Variants in PAK5 observed in about 807,000 individuals in gnomAD.
PAK5 encodes the protein serine/threonine-protein kinase PAK 5.
In PAK5, 16 loss-of-function variants were observed where a neutral mutation model predicts 65.9. The observed-to-expected ratio is 0.24, with a 90% confidence interval of 0.16 to 0.37. PAK5 has a LOEUF of 0.37. Among genes scored for constraint, PAK5 ranks in the 10% least tolerant of loss-of-function variants. PAK5 has a pLI of 1.00. For missense variants in PAK5, 785 were observed against 903.9 expected (o/e 0.87, Z 1.69); for synonymous variants, 371 against 354.9 (o/e 1.05, Z -0.51).
chr20:9,638,456 G>A (rs944405620), intron 3 of PAK5, among the ~76,000 whole-genome samples: 22 of 152,236 alleles, frequency 1.4e-4, no homozygotes, highest in Middle Eastern at 3.4e-3. Context: ...TGGAAATCCC[G>A]GCTGGTGTAA....
At position 9,620,885 on chromosome 20, in the gene PAK5, A is replaced by C. The variant is rs529783910; in HGVS notation, c.204+23240T>G. 2.0e-5 allele frequency among the ~76,000 whole-genome samples: 3 copies of C among 152,094 alleles called. No homozygotes were observed. In the East Asian group the frequency reaches 5.8e-4, roughly 29 times the overall value. ...GACTACTACCACACAGAGAAAGAAA[A>C]TAGCCAGAAAAAATATATATATATT... On this transcript the variant is annotated intron_variant, in intron 3 of 9. Coordinates refer to ENST00000353224, the MANE Select transcript of PAK5 (RefSeq NM_177990.4).
intron 2 of PAK5, among the ~76,000 whole-genome samples, chr20:9,659,504 G>A (rs1237593776): frequency 6.6e-6 from 1 of 152,172 alleles, no homozygotes; most frequent in Non-Finnish European, 1.5e-5. Context: ...CCTCAGAGCT[G>A]TACGTTTTCT....
At chr20:9,695,682 A>G (rs1326686808) in intron 2 of PAK5, among the ~76,000 whole-genome samples, 1 of 152,096 alleles carries the variant, frequency 6.6e-6, no homozygotes. Context: ...GGAATCTTCC[A>G]GTGAATATTA....
chr20:9,793,860 A>G (rs1205870280), intron 1 of PAK5, among the ~76,000 whole-genome samples: 1 of 152,148 alleles, frequency 6.6e-6, no homozygotes, highest in East Asian at 1.9e-4. Flanking sequence ...TCATTTTACT[A>G]TAAAGACACA....
In PAK5 at chr20:9,626,075, C is replaced by T. The variant is rs566089842; in HGVS notation, c.204+18050G>A. Among the ~76,000 whole-genome samples, 44 of 152,176 alleles carry T rather than the reference C, an allele frequency of 2.9e-4. No homozygotes were observed. The South Asian group carries it at 5.6e-3, about 19-fold the overall frequency. ...GGTAGTAATTGTGGATTCAAAGACT[C>T]GACCTTTACATAAAACAATGGAGTT... On this transcript the variant is annotated intron_variant, in intron 3 of 9. Transcript: ENST00000353224.
intron 2 of PAK5, among the ~76,000 whole-genome samples, chr20:9,683,806 C>T (rs184247219): frequency 1.5e-4 from 23 of 152,276 alleles, no homozygotes; most frequent in African/African-American, 5.1e-4. Flanking sequence ...GCAGCCTTGA[C>T]TTCCTGGGAT....
chr20:9,665,772 G>A (rs1206141839), intron 2 of PAK5, among the ~76,000 whole-genome samples: 1 of 151,948 alleles, frequency 6.6e-6, no homozygotes, highest in African/African-American at 2.4e-5. Flanking sequence ...GGGATTACAG[G>A]TGTGAGCCAC....
At chr20:9,724,169 G>A (rs1211121011) in intron 1 of PAK5, among the ~76,000 whole-genome samples, 2 of 152,164 alleles carry the variant, frequency 1.3e-5, no homozygotes, top group Non-Finnish European at 2.9e-5. Context: ...AAAAGGCCCA[G>A]CTTGGCTGAT....
intron 1 of PAK5, among the ~76,000 whole-genome samples, chr20:9,802,910 G>GTGTATATATATATATATATATATATA (rs142279832): frequency 1.2e-3 from 57 of 46,368 alleles, no homozygotes; most frequent in Non-Finnish European, 1.5e-3. Context: ...ATATGTATGT[G>GTGTATATATATATATATATATATATA]TATATATATA....
At chr20:9,559,560 G>A (rs111773976) in intron 6 of PAK5, among the ~76,000 whole-genome samples, 1 of 152,090 alleles carries the variant, frequency 6.6e-6, no homozygotes, top group Non-Finnish European at 1.5e-5. Context: ...TCAGGAGTTC[G>A]AGACCAGCCT....
At chr20:9,694,733 T>A (rs1462146153) in intron 2 of PAK5, among the ~76,000 whole-genome samples, 1 of 152,112 alleles carries the variant, frequency 6.6e-6, no homozygotes, top group African/African-American at 2.4e-5. Flanking sequence ...GGCCATGTTC[T>A]TTCTTATTGC....
rs548467358 is a variant in PAK5 at position 9,539,397 on chromosome 20, C to T, written c.*65G>A. 3 of 1,509,136 alleles carry T rather than the reference C, an allele frequency of 2.0e-6. No homozygotes were observed. Among genetic ancestry groups the T allele is most frequent in the East Asian group, 4.5e-5 (2 of 44,182 alleles). The allele number at this position is 1,509,136 out of a possible 1,614,324, so 93.5% of individuals were successfully genotyped here. On this transcript the variant is annotated 3_prime_UTR_variant, in exon 10 of 10. Transcript: ENST00000353224. ...CAGGCCTTTTGCATGTTCTGTGTTT[C>T]CTTTTGTTCTCCTGAATTATTCTCA...
At chr20:9,823,263 G>A (rs936245379) in intron 1 of PAK5, among the ~76,000 whole-genome samples, 1 of 152,104 alleles carries the variant, frequency 6.6e-6, no homozygotes, top group East Asian at 1.9e-4. Context: ...CTTGATCTTG[G>A]ACTTCCAAGC....
chr20:9,674,127 G>A (rs1265730296), intron 2 of PAK5, among the ~76,000 whole-genome samples: 2 of 152,220 alleles, frequency 1.3e-5, no homozygotes, highest in African/African-American at 4.8e-5. Flanking sequence ...AAGCCAGGAA[G>A]TCTAGCAGCA....
intron 3 of PAK5, among the ~76,000 whole-genome samples, chr20:9,603,446 T>G (rs989012311): frequency 1.3e-5 from 2 of 152,198 alleles, no homozygotes; most frequent in African/African-American, 2.4e-5. Flanking sequence ...CCTATTTATA[T>G]CAGAGAATCA....
intron 1 of PAK5, among the ~76,000 whole-genome samples, chr20:9,789,676 A>G (rs190297989): frequency 1.3e-5 from 2 of 152,254 alleles, no homozygotes; most frequent in African/African-American, 4.8e-5. Context: ...CTGGTTCCAC[A>G]TATGATGGTC....
chr20:9,746,270 T>C (rs537482619), intron 1 of PAK5, among the ~76,000 whole-genome samples: 3 of 152,282 alleles, frequency 2.0e-5, no homozygotes, highest in East Asian at 1.9e-4. Flanking sequence ...GCCTCCATCA[T>C]GGCAGTGCAG....
chr20:9,615,869 G>A (rs766660095), intron 3 of PAK5, among the ~76,000 whole-genome samples: 3 of 152,226 alleles, frequency 2.0e-5, no homozygotes, highest in Non-Finnish European at 4.4e-5. Flanking sequence ...CAGCTAGGCA[G>A]TCTGCTGGAG....
rs182003041 is a variant in PAK5, at chr20:9,725,916, G to C, written c.-161-14481C>G. ...AAATAACAAATTATGACTCCAAAAG[G>C]CATTTTTTAAAATTTCAGTAATAAG... On this transcript the variant is annotated intron_variant, in intron 1 of 9. Coordinates refer to ENST00000353224, the MANE Select transcript of PAK5 (RefSeq NM_177990.4). 2.0e-5 allele frequency among the ~76,000 whole-genome samples: 3 copies of C among 151,892 alleles called. No homozygotes were observed. The East Asian group carries it at 5.8e-4, about 29-fold the overall frequency.
Sources: allele counts gnomAD v4.1 joint callset (sites outside exome capture counted in the v4.1 genomes callset), GRCh38; gene constraint gnomAD v4.1.1; transcripts MANE v1.5; gene names NCBI Gene and HGNC (gene_info 2026-07-23, HGNC 2026-07-21).